The following ABCB1 variants were observed in gnomAD, a reference collection of about 807,000 sequenced individuals.
ABCB1 encodes ATP-dependent translocase ABCB1.
Under a neutral mutation model 142.0 loss-of-function variants are expected in ABCB1, and 69 were observed. The ratio of observed to expected loss-of-function variants is 0.49; its 90% CI spans 0.40 to 0.59. The LOEUF (loss-of-function observed/expected upper bound fraction) is 0.59. Ranked by LOEUF, ABCB1 falls within the 20% of genes least tolerant of loss-of-function variation. The pLI is 0.00. For missense variants in ABCB1, 1,326 were observed against 1,554.7 expected (o/e 0.85, Z 2.47); for synonymous variants, 532 against 539.2 (o/e 0.99, Z 0.18).
intron 1 of ABCB1, among the ~76,000 whole-genome samples, chr7:87,698,755 G>A (rs923360414): frequency 1.3e-4 from 20 of 152,098 alleles, no homozygotes; most frequent in Admixed American, 2.0e-4. Context: ...TGATCTTACC[G>A]CCTAATATGT....
intron 1 of ABCB1, among the ~76,000 whole-genome samples, chr7:87,624,189 G>A (rs555319008): frequency 1.3e-5 from 2 of 152,258 alleles, no homozygotes; most frequent in African/African-American, 4.8e-5. Flanking sequence ...TGATGATTGA[G>A]CTTTCACACA....
rs143972503 is a variant in ABCB1 at position 87,516,119 on chromosome 7, G to A, written c.3084+390C>T. ...AAATTAGCTGGGCATGATGGCACAC[G>A]CTTGTAGTCCCAGTTACTTGGGAGG... On this transcript the variant is annotated intron_variant, in intron 24 of 27. Transcript: ENST00000622132. 3.8e-3 allele frequency among the ~76,000 whole-genome samples: 572 copies of A among 152,138 alleles called. 3 individuals carry two copies. Among genetic ancestry groups the A allele is most frequent in the African/African-American group, 0.013 (542 of 41,490 alleles).
At chr7:87,589,177 A>T (rs942451405) in intron 3 of ABCB1, among the ~76,000 whole-genome samples, 7 of 152,166 alleles carry the variant, frequency 4.6e-5, no homozygotes, top group Admixed American at 4.6e-4. Context: ...GTTTATTAGG[A>T]AGGAGACTTT....
chr7:87,516,755 G>A, intron 23 of ABCB1, 90 bp from the exon 24 acceptor site: 1 of 840,122 alleles, frequency 1.2e-6, no homozygotes. Context: ...TTTTTTTTTT[G>A]AGGTGGGGTC....
intron 1 of ABCB1, among the ~76,000 whole-genome samples, chr7:87,609,197 G>A (rs1299087044): frequency 2.6e-5 from 4 of 152,152 alleles, no homozygotes; most frequent in Non-Finnish European, 5.9e-5. Context: ...ATTTTAAGTA[G>A]GATAGTCAGG....
At chr7:87,574,861 T>C (rs560881384) in intron 4 of ABCB1, among the ~76,000 whole-genome samples, 2 of 152,300 alleles carry the variant, frequency 1.3e-5, no homozygotes, top group South Asian at 4.1e-4. Context: ...CCACTCCCAC[T>C]GGTGTGAGGT....
chr7:87,657,982 A>T (rs1397907998), intron 1 of ABCB1, among the ~76,000 whole-genome samples: 1 of 152,178 alleles, frequency 6.6e-6, no homozygotes, highest in Admixed American at 6.5e-5. Flanking sequence ...TCATAACATA[A>T]TATAAATATG....
chr7:87,648,754 A>G lies in ABCB1; in HGVS notation c.-330-47676T>C, dbSNP rs28381761. Among the ~76,000 whole-genome samples, 10 of 152,292 alleles carry G rather than the reference A, an allele frequency of 6.6e-5. No individual in the cohort carries two copies. The South Asian group carries it at 1.0e-3, about 16-fold the overall frequency. ...GTTTTTAATGTTTTGACAAAAATTT[A>G]TAAAGGTCACAGGAAAATTATAATT... is the stretch of plus-strand genomic sequence containing the variant. On this transcript the variant is annotated intron_variant, in intron 1 of 28. Coordinates refer to the ABCB1 transcript ENST00000265724.
chr7:87,539,147 T>C (rs938868637), intron 19 of ABCB1, 121 bp downstream of exon 19: 8 of 1,068,790 alleles, frequency 7.5e-6, no homozygotes, highest in Non-Finnish European at 1.1e-5. Context: ...GACGTGAGAC[T>C]GAGGGACAAC....
chr7:87,626,529 A>G lies in ABCB1; in HGVS notation c.-330-25451T>C, dbSNP rs185159418. The stretch of plus-strand genomic sequence containing the variant: ...TGTGTCATATATATGTGTCATATAT[A>G]TGTGTCATATATGTGTCATATATAT... On this transcript the variant is annotated intron_variant, in intron 1 of 28. Coordinates refer to the ABCB1 transcript ENST00000265724. 4.8e-3 allele frequency among the ~76,000 whole-genome samples: 87 copies of G among 18,286 alleles called. 17 individuals carry two copies. The highest frequency in any genetic ancestry group is 5.5e-3 in the Non-Finnish European group (69 of 12,546). 12.0% of individuals were successfully genotyped at this position (18,286 alleles called of 152,430 possible).
chr7:87,617,709 T>C (rs919615492), intron 1 of ABCB1, among the ~76,000 whole-genome samples: 4 of 152,242 alleles, frequency 2.6e-5, no homozygotes, highest in African/African-American at 9.6e-5. Flanking sequence ...TTGTACTTAA[T>C]GTTCTCCACC....
rs73705279 is a variant in ABCB1 at position 87,628,125 on chromosome 7, G to C, written c.-330-27047C>G. On this transcript the variant is annotated intron_variant, in intron 1 of 28. Coordinates refer to the ABCB1 transcript ENST00000265724. ...CGTTAAAGCTTGGCTACAGGCAAGG[G>C]GGGGGCAATAGGCCCCTGGCGCTGT... Among the ~76,000 whole-genome samples the C allele has an allele frequency of 4.7e-4, 72 of 152,324 alleles. 1 individual carries two copies. The highest frequency in any genetic ancestry group is 1.0e-3 in the Admixed American group (16 of 15,308).
chr7:87,559,952 TTA>T, intron 8 of ABCB1, among the ~76,000 whole-genome samples: 1 of 152,224 alleles, frequency 6.6e-6, no homozygotes, highest in South Asian at 2.1e-4. Flanking sequence ...CAAAACTTCA[TTA>T]TGTCTCTGCT....
rs1818919970 is a variant in ABCB1 at position 87,589,837 on chromosome 7, G to GAGAGAGA, written c.118-4158_118-4157insTCTCTCT. 1.3e-3 allele frequency among the ~76,000 whole-genome samples: 107 copies of GAGAGAGA among 84,948 alleles called. 1 individual carries two copies. The highest frequency in any genetic ancestry group is 7.6e-3 in the African/African-American group (100 of 13,094). The allele number at this position is 84,948 out of a possible 152,430, so 55.7% of individuals were successfully genotyped here. ...GAGAGAGAGAGAGAGAGAGAGAGAG[G>GAGAGAGA]GAGAGAGGGAGGGAGAGAGAGAGAG... On this transcript the variant is annotated intron_variant, in intron 3 of 27. Coordinates refer to ENST00000622132, the MANE Select transcript of ABCB1 (RefSeq NM_001348946.2).
intron 4 of ABCB1, among the ~76,000 whole-genome samples, chr7:87,579,056 T>G (rs1818394699): frequency 6.6e-6 from 1 of 152,038 alleles, no homozygotes; most frequent in Non-Finnish European, 1.5e-5. Context: ...TGCTACTGAT[T>G]GTTGTATGTT....
chr7:87,552,865 A>T (rs1192470724), intron 9 of ABCB1, among the ~76,000 whole-genome samples: 1 of 152,096 alleles, frequency 6.6e-6, no homozygotes, highest in African/African-American at 2.4e-5. Context: ...TGACTCTTCT[A>T]ACAGTGTATT....
At chr7:87,551,906 A>G (rs1817088726) in intron 9 of ABCB1, among the ~76,000 whole-genome samples, 1 of 152,042 alleles carries the variant, frequency 6.6e-6, no homozygotes, top group Non-Finnish European at 1.5e-5. Context: ...GAGTCAGAAG[A>G]CCCAGTTCTG....
At chr7:87,516,731 C>CTTCTTTTTTTTTTTTTTT (rs1815267208) in intron 23 of ABCB1, 66 bp from the exon 24 acceptor site, 1 of 642,604 alleles carries the variant, frequency 1.6e-6, no homozygotes, top group African/African-American at 3.6e-5. Context: ...GCTGACACTC[C>CTTCTTTTTTTTTTTTTTT]TTTTTTTTTT....
intron 1 of ABCB1, among the ~76,000 whole-genome samples, chr7:87,626,247 TGTCATATATATG>T (rs1820501054): frequency 1.5e-4 from 2 of 13,168 alleles, no homozygotes; most frequent in Non-Finnish European, 2.3e-4. Flanking sequence ...GTCATATATA[TGTCATATATATG>T]TGTCATATAT....
Sources: allele counts gnomAD v4.1 joint callset (sites outside exome capture counted in the v4.1 genomes callset), GRCh38; gene constraint gnomAD v4.1.1; transcripts MANE v1.5; gene names NCBI Gene and HGNC (gene_info 2026-07-23, HGNC 2026-07-21).